Variants in SGSM3 observed in about 807,000 individuals in gnomAD.
SGSM3 encodes the protein RUN and SH3 containing 3.
A neutral mutation model predicts 100.5 loss-of-function variants in SGSM3; 96 were observed. The observed-to-expected ratio is 0.96, with a 90% CI of 0.81 to 1.13. SGSM3 has a LOEUF of 1.13. SGSM3 is among the 50% of genes most tolerant of loss of function. The pLI is 0.00. For synonymous variants in SGSM3, 483 were observed against 422.8 expected, an observed-to-expected ratio of 1.14 and a Z score of -1.75; for missense variants, 1,001 against 1,015.8, an observed-to-expected ratio of 0.99 and a Z score of 0.20.
chr22:40,401,778 G>A (rs576932418), intron 3 of SGSM3, 103 bp downstream of exon 3: 2 of 910,412 alleles, frequency 2.2e-6, no homozygotes, highest in East Asian at 2.4e-5. Flanking sequence ...AACTCACACA[G>A]GGTTATGAGT....
In SGSM3 at chr22:40,398,283, A is replaced by AAG. The variant is rs1569186837; in HGVS notation, c.-111-2412_-111-2411insGA. On this transcript the variant is annotated intron_variant, in intron 1 of 21. Coordinates refer to ENST00000248929, the MANE Select transcript of SGSM3 (RefSeq NM_015705.6). Reference sequence around the variant, plus strand: ...GGCCCAGCCTGTCATCTGATTCTCTAATGTAAGGGTCAGGACTTTTTCCCC... The same window carrying AAG: ...GGCCCAGCCTGTCATCTGATTCTCTAAGATGTAAGGGTCAGGACTTTTTCCCC... 1.9e-4 allele frequency among the ~76,000 whole-genome samples: 19 copies of AAG among 102,358 alleles called. 2 individuals are homozygous for AAG. Among genetic ancestry groups the AAG allele is most frequent in the Admixed American group, 5.6e-4 (4 of 7,128 alleles). The allele number at this position is 102,358 out of a possible 152,430, so 67.2% of individuals were successfully genotyped here. A position where few individuals can be genotyped will look rare whatever the true frequency, so the allele number is the denominator to read the frequency against.
chr22:40,408,460 C>T (rs2051987821), intron 16 of SGSM3, 31 bp downstream of exon 16: 8 of 1,612,540 alleles, frequency 5.0e-6, no homozygotes, highest in Non-Finnish European at 5.9e-6. Flanking sequence ...ATGACCCCCA[C>T]CCTGCACCAG....
chr22:40,405,607 AAAGACCTGGGTAGAAGGCC>A, intron 7 of SGSM3, 23 bp from the exon 8 acceptor site: 1 of 1,575,554 alleles, frequency 6.3e-7, no homozygotes. Flanking sequence ...TAATCTGCAC[AAAGACCTGGGTAGAAGGCC>A]CTTGTCCCTG....
intron 1 of SGSM3, 139 bp from the exon 2 acceptor site, chr22:40,400,557 C>G (rs2050615032): frequency 2.7e-6 from 1 of 369,770 alleles, no homozygotes; most frequent in South Asian, 2.4e-5. Flanking sequence ...GCAGAAGAAT[C>G]TCTTGAACCC....
At chr22:40,398,873 A>G (rs570634305) in intron 1 of SGSM3, among the ~76,000 whole-genome samples, 1 of 140,858 alleles carries the variant, frequency 7.1e-6, no homozygotes, top group African/African-American at 2.6e-5. Context: ...ATTCCATTCT[A>G]TCGAAAAGAA....
Position 40,404,355 on chromosome 22 carries a change from T to C in SGSM3, c.266T>C (p.Val89Ala), listed in dbSNP as rs1418417471. The change falls in exon 5 of 22, where the codon GTG becomes GCG. Residue 89 changes from valine to alanine, a missense_variant. Physicochemically the swap from Val to Ala is moderately conservative, Grantham distance 64. Coordinates refer to ENST00000248929, the MANE Select transcript of SGSM3 (RefSeq NM_015705.6). ...AHLEFTHNHDVGDLTWDKIAV... is the reference protein window; with the variant it reads ...AHLEFTHNHDAGDLTWDKIAV... Reference sequence around the variant, plus strand: ...CTGGAGTTCACCCATAACCACGATGTGGGGGATCTCACCTGGGACAAGATT... The same window carrying C: ...CTGGAGTTCACCCATAACCACGATGCGGGGGATCTCACCTGGGACAAGATT... The C allele has an allele frequency of 6.2e-7, 1 of 1,606,076 alleles. No individual in the cohort carries two copies. The highest frequency in any genetic ancestry group is 8.5e-7 in the Non-Finnish European group (1 of 1,175,502).
At chr22:40,390,162 C>T (rs2049160600) in intron 1 of SGSM3, 1 of 152,100 alleles carries the variant, frequency 6.6e-6, no homozygotes, top group Non-Finnish European at 1.5e-5. Flanking sequence ...TGTGGGGCAC[C>T]CTAATGTCTC....
intron 4 of SGSM3, 74 bp from the exon 5 acceptor site, chr22:40,404,173 G>A: frequency 1.6e-6 from 2 of 1,287,816 alleles, no homozygotes. Flanking sequence ...CCCTCCTGAA[G>A]ACGGAGGCTT....
intron 1 of SGSM3, chr22:40,379,356 T>A (rs527827431): frequency 6.5e-6 from 1 of 152,710 alleles, no homozygotes; most frequent in South Asian, 2.1e-4. Context: ...TCGTACCTTT[T>A]CTCTGTTGCT....
intron 4 of SGSM3, among the ~76,000 whole-genome samples, chr22:40,403,716 CAG>C (rs2146969550): frequency 6.6e-6 from 1 of 152,264 alleles, no homozygotes; most frequent in South Asian, 2.1e-4. Flanking sequence ...CAGCTCTGAG[CAG>C]AGTGACATGA....
At chr22:40,392,579 C>G (rs1248961419) in intron 1 of SGSM3, among the ~76,000 whole-genome samples, 1 of 152,142 alleles carries the variant, frequency 6.6e-6, no homozygotes, top group East Asian at 1.9e-4. Context: ...GAAGCTAATT[C>G]ACTGTTCTCA....
intron 1 of SGSM3, among the ~76,000 whole-genome samples, chr22:40,374,450 T>A (rs17001864): frequency 0.023 from 3,508 of 152,194 alleles, 133 homozygotes; most frequent in African/African-American, 0.081. Context: ...GGCTTTAGAG[T>A]CTGACAGATC....
At chr22:40,389,591 T>C (rs1601893084) in intron 1 of SGSM3, among the ~76,000 whole-genome samples, 2 of 63,042 alleles carry the variant, frequency 3.2e-5, no homozygotes, top group Admixed American at 2.5e-4. Flanking sequence ...AGTGCAAGAC[T>C]CCGTCTCAGA....
chr22:40,396,968 C>T (rs2050128702), intron 1 of SGSM3, among the ~76,000 whole-genome samples: 1 of 152,198 alleles, frequency 6.6e-6, no homozygotes, highest in Admixed American at 6.5e-5. Context: ...TAGAGCTCCT[C>T]AAAGGTTCCT....
chr22:40,402,984 C>T (rs553532819), intron 4 of SGSM3, among the ~76,000 whole-genome samples: 200 of 152,268 alleles, frequency 1.3e-3, no homozygotes, highest in South Asian at 3.1e-3. Flanking sequence ...CCAATTCTGA[C>T]AAAAGTTTTC....
intron 19 of SGSM3, 84 bp downstream of exon 19, chr22:40,409,102 T>TAAAGG (rs2147023914): frequency 6.4e-7 from 1 of 1,552,174 alleles, no homozygotes; most frequent in South Asian, 1.2e-5. Context: ...CAGGGAACCC[T>TAAAGG]AAAGGACAAA....
intron 1 of SGSM3, among the ~76,000 whole-genome samples, chr22:40,395,718 A>G (rs964466874): frequency 1.3e-5 from 2 of 152,140 alleles, no homozygotes; most frequent in Non-Finnish European, 2.9e-5. Flanking sequence ...TCATAAGCCC[A>G]GGAGTACAGA....
At chr22:40,384,542 A>G (rs2048117139) in intron 1 of SGSM3, among the ~76,000 whole-genome samples, 1 of 152,210 alleles carries the variant, frequency 6.6e-6, no homozygotes. Flanking sequence ...GCACTTTGGA[A>G]GGCCAAGGTG....
rs1423350927 is a variant in SGSM3, at chr22:40,409,050, C to G, written c.1988+32C>G. The stretch of plus-strand genomic sequence containing the variant: ...GTGGAAAAGGGGTTGGAGGAGAGCC[C>G]TGGAGTGGGGGGACCCAGCCCAGCA... On this transcript the variant is annotated intron_variant, in intron 19 of 21. Coordinates refer to ENST00000248929, the MANE Select transcript of SGSM3 (RefSeq NM_015705.6). 4 of 1,554,546 alleles carry G rather than the reference C, an allele frequency of 2.6e-6. No individual in the cohort carries two copies. In the Admixed American group the frequency reaches 5.9e-5, roughly 23 times the overall value.
Sources: gnomAD v4.1 joint callset for allele counts (sites outside exome capture counted in the v4.1 genomes callset) on GRCh38, gnomAD v4.1.1 for gene constraint, MANE v1.5 for transcripts, NCBI Gene and HGNC (gene_info 2026-07-23, HGNC 2026-07-21) for gene names.